Variants in NAV3 observed in about 807,000 individuals in gnomAD.
The protein encoded by NAV3 is neuron navigator 3.
NAV3 carries 87 observed loss-of-function variants against 244.7 expected under a neutral mutation model. That is an observed-to-expected ratio of 0.36 (90% CI 0.30 to 0.42). The LOEUF is 0.42. NAV3 is among the 20% of genes least tolerant of loss of function. The probability of loss-of-function intolerance (pLI) is 1.00; values close to 1 mark genes in which losing one functional copy is unlikely to be tolerated. For synonymous variants in NAV3, 1,126 were observed against 1,042.2 expected, an observed-to-expected ratio of 1.08 and a Z score of -1.55; for missense variants, 2,663 against 2,893.3, an observed-to-expected ratio of 0.92 and a Z score of 1.83.
intron 1 of NAV3, among the ~76,000 whole-genome samples, chr12:77,882,524 A>G (rs769013243): frequency 3.9e-5 from 6 of 152,178 alleles, no homozygotes; most frequent in Non-Finnish European, 5.9e-5. Flanking sequence ...AGGCTTTATA[A>G]GAATTTCTGG....
In NAV3 at chr12:77,734,168, G is replaced by A. The variant is rs546910700; in HGVS notation, c.72+161902G>A. Among the ~76,000 whole-genome samples the A allele has an allele frequency of 7.2e-4, 109 of 152,164 alleles. 1 individual carries two copies. The highest frequency in any genetic ancestry group is 2.3e-3 in the African/African-American group (97 of 41,552). ...ATATCATTGTTCACTTATGCTATGA[G>A]GATAAAAGTATAGGTTGGTGCCGAA... On this transcript the variant is annotated intron_variant, in intron 2 of 8. Transcript: ENST00000550042.
At chr12:77,771,789 C>T (rs1870102172) in intron 2 of NAV3, among the ~76,000 whole-genome samples, 4 of 152,034 alleles carry the variant, frequency 2.6e-5, no homozygotes, top group Non-Finnish European at 1.5e-5. Flanking sequence ...GGAGGGATAG[C>T]ATTAGGAGAT....
At chr12:77,748,659 TC>T (rs1868681914) in intron 2 of NAV3, among the ~76,000 whole-genome samples, 1 of 152,138 alleles carries the variant, frequency 6.6e-6, no homozygotes, top group Non-Finnish European at 1.5e-5. Flanking sequence ...CACTGAATAA[TC>T]TCACTTAGAT....
At chr12:77,663,248 A>G (rs144023468) in intron 2 of NAV3, among the ~76,000 whole-genome samples, 130 of 152,344 alleles carry the variant, frequency 8.5e-4, no homozygotes, top group African/African-American at 2.8e-3. Flanking sequence ...CCCCACAGTA[A>G]TAACTGATAT....
At chr12:77,954,386 A>C (rs1891173154) in intron 3 of NAV3, among the ~76,000 whole-genome samples, 1 of 152,198 alleles carries the variant, frequency 6.6e-6, no homozygotes, top group South Asian at 2.1e-4. Context: ...TAGTGGTAGT[A>C]AGCATAATGA....
At chr12:78,142,764 T>C (rs12231384) in intron 20 of NAV3, among the ~76,000 whole-genome samples, 39,868 of 133,360 alleles carry the variant, frequency 0.3, 7,096 homozygotes, top group East Asian at 0.45. Context: ...GGCCAATATA[T>C]GGAGGTAGGG....
At chr12:77,740,622 C>G (rs1241065744) in intron 2 of NAV3, among the ~76,000 whole-genome samples, 5 of 152,120 alleles carry the variant, frequency 3.3e-5, no homozygotes, top group Non-Finnish European at 7.4e-5. Context: ...ATGTATTTCA[C>G]TCATGGTACT....
intron 3 of NAV3, among the ~76,000 whole-genome samples, chr12:77,949,351 C>A (rs1203554712): frequency 6.6e-6 from 1 of 151,952 alleles, no homozygotes; most frequent in Non-Finnish European, 1.5e-5. Context: ...GATCTGTGTC[C>A]TTTATTTAGT....
chr12:77,735,965 G>A (rs1052619034), intron 2 of NAV3, among the ~76,000 whole-genome samples: 1 of 152,164 alleles, frequency 6.6e-6, no homozygotes, highest in African/African-American at 2.4e-5. Flanking sequence ...CCCCTCTGCT[G>A]TCTGAAAACA....
chr12:78,160,804 C>G (rs1220436779), intron 23 of NAV3, among the ~76,000 whole-genome samples: 1 of 151,966 alleles, frequency 6.6e-6, no homozygotes. Flanking sequence ...TGTTCTAGCA[C>G]AGCTAACAAA....
Position 77,969,327 on chromosome 12 carries a change from A to T in NAV3, c.671+625A>T, listed in dbSNP as rs186907605. The stretch of plus-strand genomic sequence containing the variant: ...TATTATTTTTTTCCAATATAGAATT[A>T]TATCAATCAGTGTTCAACTAGAGGA... On this transcript the variant is annotated intron_variant, in intron 5 of 39. Coordinates refer to ENST00000397909, the MANE Select transcript of NAV3 (RefSeq NM_001024383.2). 1.5e-3 allele frequency among the ~76,000 whole-genome samples: 222 copies of T among 152,224 alleles called. 3 individuals are homozygous for T. The highest frequency in any genetic ancestry group is 5.3e-3 in the African/African-American group (221 of 41,522).
In NAV3 at chr12:78,062,360, G is replaced by A. The variant is rs1884443601; in HGVS notation, c.2636+3245G>A. 2.0e-5 allele frequency among the ~76,000 whole-genome samples: 3 copies of A among 151,986 alleles called. No homozygotes were observed. In the South Asian group the frequency reaches 6.2e-4, roughly 32 times the overall value. On this transcript the variant is annotated intron_variant, in intron 12 of 39. Coordinates refer to ENST00000397909, the MANE Select transcript of NAV3 (RefSeq NM_001024383.2). ...GACCTTTCAGATGTCATACAGTTTG[G>A]ACTTTTCCAGTGTTTCTTGTATCAT...
chr12:77,720,780 A>G (rs906240509), intron 2 of NAV3, among the ~76,000 whole-genome samples: 4 of 152,124 alleles, frequency 2.6e-5, no homozygotes, highest in Non-Finnish European at 5.9e-5. Flanking sequence ...ACTGAGGTGT[A>G]GGAGCCTCTT....
chr12:77,893,434 G>C (rs1377638856), intron 1 of NAV3, among the ~76,000 whole-genome samples: 1 of 152,110 alleles, frequency 6.6e-6, no homozygotes, highest in East Asian at 1.9e-4. Flanking sequence ...AGACACAGTT[G>C]AAGCTTATAA....
chr12:78,168,837 C>A lies in NAV3; in HGVS notation c.4952C>A (p.Ala1651Glu). The change falls in exon 24 of 40, where the codon GCA becomes GAA. Residue 1651 changes from alanine (A) to glutamate (E), a missense_variant. Transcript: ENST00000397909. ...GCTGCCCAGGCGGCTATTCAGGGAG[C>A]ACTGAATGGTCCAGACCATCCTCCC... ...NSAAQAAIQGALNGPDHPPKD... is the reference protein window; with the variant it reads ...NSAAQAAIQGELNGPDHPPKD... 6.2e-7 allele frequency: 1 copy of A among 1,610,282 alleles called. No homozygotes were observed. The highest frequency in any genetic ancestry group is 1.1e-5 in the South Asian group (1 of 90,928).
chr12:77,872,775 C>T (rs1401889423), intron 1 of NAV3, among the ~76,000 whole-genome samples: 2 of 152,154 alleles, frequency 1.3e-5, no homozygotes, highest in African/African-American at 4.8e-5. Flanking sequence ...TGCTTTTAAC[C>T]AATGAGGAGC....
At chr12:77,573,129 G>A (rs1868908954) in intron 2 of NAV3, among the ~76,000 whole-genome samples, 1 of 152,256 alleles carries the variant, frequency 6.6e-6, no homozygotes, top group Non-Finnish European at 1.5e-5. Flanking sequence ...GAAAAGGAAG[G>A]AAATTTTTAG....
chr12:78,103,122 T>G (rs1954621205), intron 12 of NAV3, among the ~76,000 whole-genome samples: 1 of 152,158 alleles, frequency 6.6e-6, no homozygotes, highest in African/African-American at 2.4e-5. Flanking sequence ...TTTCTGAACT[T>G]TTATGCTGTT....
At chr12:78,160,410 T>TGTGCGTGC (rs1555184882) in intron 23 of NAV3, among the ~76,000 whole-genome samples, 22 of 127,944 alleles carry the variant, frequency 1.7e-4, no homozygotes, top group Admixed American at 3.1e-4. Context: ...CGTGCGTGTG[T>TGTGCGTGC]GTGTGTGTGT....
Sources: allele counts gnomAD v4.1 joint callset (sites outside exome capture counted in the v4.1 genomes callset), GRCh38; gene constraint gnomAD v4.1.1; transcripts MANE v1.5; gene names NCBI Gene and HGNC (gene_info 2026-07-23, HGNC 2026-07-21).